Variants in PURA observed in about 807,000 individuals in gnomAD.
The protein encoded by PURA is transcriptional activator protein Pur-alpha.
A neutral mutation model predicts 23.1 loss-of-function variants in PURA; 2 were observed. The observed-to-expected ratio is 0.09, with a 90% CI of 0.04 to 0.27. The LOEUF (loss-of-function observed/expected upper bound fraction) is 0.27. Ranked by LOEUF, PURA falls within the 10% of genes least tolerant of loss-of-function variation. PURA has a pLI of 1.00. For missense variants in PURA, 187 were observed against 449.7 expected, an observed-to-expected ratio of 0.42 and a Z score of 5.28; for synonymous variants, 254 against 205.9, an observed-to-expected ratio of 1.23 and a Z score of -2.00.
rs1763136853 is a variant in PURA, at chr5:140,120,281, G to T, written c.*5131G>T. 1 of 166,764 alleles carries T rather than the reference G, an allele frequency of 6.0e-6. No homozygotes were observed. Among genetic ancestry groups the T allele is most frequent in the Non-Finnish European group, 1.5e-5 (1 of 67,944 alleles). The allele number at this position is 166,764 out of a possible 1,614,324, so 10.3% of individuals were successfully genotyped here. On this transcript the variant is annotated 3_prime_UTR_variant, in exon 1 of 1. Transcript: ENST00000331327. ...TGTATATAGATACACACATCTCCTTGAGAGTGGAATAAGTAGGAGAGATAA... is the reference window on the plus strand; with the variant it reads ...TGTATATAGATACACACATCTCCTTTAGAGTGGAATAAGTAGGAGAGATAA...
At position 140,114,308 on chromosome 5, in the gene PURA, A is replaced by AGTGGCG; in HGVS notation, c.129_134dup (p.Gly48_Gly49dup). ...TGGTGGCGGCGGGGGCGGCGGCGGCAGTGGCGGCGGCGGCGGCGGGGCCCC... is the reference window on the plus strand; with the variant it reads ...TGGTGGCGGCGGGGGCGGCGGCGGCAGTGGCGGTGGCGGCGGCGGCGGCGGGGCCCC... On this transcript the variant is annotated inframe_insertion, in exon 1 of 1. Transcript: ENST00000331327. 7.8e-7 allele frequency: 1 copy of AGTGGCG among 1,288,426 alleles called. No individual in the cohort carries two copies. Among genetic ancestry groups the AGTGGCG allele is most frequent in the Non-Finnish European group, 9.7e-7 (1 of 1,026,946 alleles). 79.8% of individuals were successfully genotyped at this position (1,288,426 alleles called of 1,614,324 possible).
At position 140,117,794 on chromosome 5, in the gene PURA, G is replaced by A. The variant is rs1444442654; in HGVS notation, c.*2644G>A. 4.8e-5 allele frequency: 8 copies of A among 165,550 alleles called. No individual in the cohort carries two copies. The highest frequency in any genetic ancestry group is 8.8e-5 in the Non-Finnish European group (6 of 68,080). 10.3% of individuals were successfully genotyped at this position (165,550 alleles called of 1,614,324 possible). A position where few individuals can be genotyped will look rare whatever the true frequency, so the allele number is the denominator to read the frequency against. On this transcript the variant is annotated 3_prime_UTR_variant, in exon 1 of 1. Transcript: ENST00000331327. ...AAACAGTTTAATACAATCTAACTAC[G>A]ATTTTGAAACCAGTGTCTGATTTAT...
chr5:140,115,180 C>CACA lies in PURA; in HGVS notation c.*31_*33dup. On this transcript the variant is annotated 3_prime_UTR_variant, in exon 1 of 1. Transcript: ENST00000331327. This position sits in a 1 kb window ranked among gnomAD's most constrained non-coding sequence, Gnocchi z 4.1. ...ACTGAATGAAACCCCCACACACACA[C>CACA]ACATGCATACACACACACACACAGC... 1 of 1,198,122 alleles carries CACA rather than the reference C, an allele frequency of 8.3e-7. No individual in the cohort carries two copies. Among genetic ancestry groups the CACA allele is most frequent in the Admixed American group, 2.6e-5 (1 of 38,064 alleles). The allele number at this position is 1,198,122 out of a possible 1,614,324, so 74.2% of individuals were successfully genotyped here.
At position 140,123,528 on chromosome 5, in the gene PURA, G is replaced by A. The variant is rs1405486459; in HGVS notation, c.*8378G>A. The A allele has an allele frequency of 1.2e-5, 2 of 166,174 alleles. No homozygotes were observed. The highest frequency in any genetic ancestry group is 2.4e-5 in the African/African-American group (1 of 41,346). The allele number at this position is 166,174 out of a possible 1,614,324, so 10.3% of individuals were successfully genotyped here. A position where few individuals can be genotyped will look rare whatever the true frequency, so the allele number is the denominator to read the frequency against. ...TTGTGTTTTCAATATTCCACCCAAA[G>A]CAAAAATTATATGCAATTAAAAATA... is the stretch of plus-strand genomic sequence containing the variant. On this transcript the variant is annotated 3_prime_UTR_variant, in exon 1 of 1. Transcript: ENST00000331327.
At position 140,123,704 on chromosome 5, in the gene PURA, T is replaced by G. The variant is rs552138306; in HGVS notation, c.*8554T>G. The stretch of plus-strand genomic sequence containing the variant: ...CTGTTTAAATAGACAAAGTTAAAGC[T>G]TAGGATAGGGAATATATATGTATGT... On this transcript the variant is annotated 3_prime_UTR_variant, in exon 1 of 1. Transcript: ENST00000331327. 1 of 166,942 alleles carries G rather than the reference T, an allele frequency of 6.0e-6. No individual in the cohort carries two copies. The highest frequency in any genetic ancestry group is 1.5e-5 in the Non-Finnish European group (1 of 68,072). The allele number at this position is 166,942 out of a possible 1,614,324, so 10.3% of individuals were successfully genotyped here.
chr5:140,118,157 T>G lies in PURA; in HGVS notation c.*3007T>G, dbSNP rs904039495. 15 of 166,980 alleles carry G rather than the reference T, an allele frequency of 9.0e-5. No homozygotes were observed. The highest frequency in any genetic ancestry group is 8.5e-4 in the Admixed American group (13 of 15,284). 10.3% of individuals were successfully genotyped at this position (166,980 alleles called of 1,614,324 possible). On this transcript the variant is annotated 3_prime_UTR_variant, in exon 1 of 1. Transcript: ENST00000331327. Reference sequence around the variant, plus strand: ...GTGTTATTCATAGAAGACAGTATGATCAAATGTGCCAAAAACAAGCAAACA... The same window carrying G: ...GTGTTATTCATAGAAGACAGTATGAGCAAATGTGCCAAAAACAAGCAAACA...
rs777864550 is a variant in PURA, at chr5:140,114,568, G to T, written c.387G>T (p.Pro129=). Residue 129 remains proline (P), a synonymous_variant, in exon 1 of 1, where the codon CCG becomes CCT. Transcript: ENST00000331327. ...ACGCGCAGCTGGGCCCCAGCCAGCC[G>T]CCGGACCTGGCCCAGGCGCAGGACG... ...EHYAQLGPSQ[P]PDLAQAQDEP... 1 of 1,601,380 alleles carries T rather than the reference G, an allele frequency of 6.2e-7. No homozygotes were observed. Among genetic ancestry groups the T allele is most frequent in the Non-Finnish European group, 8.5e-7 (1 of 1,176,092 alleles).
rs1763059029 is a variant in PURA, at chr5:140,115,122, A to C, written c.941A>C (p.Gln314Pro). The C allele has an allele frequency of 6.3e-7, 1 of 1,586,296 alleles. No homozygotes were observed. Among genetic ancestry groups the C allele is most frequent in the Non-Finnish European group, 8.6e-7 (1 of 1,166,324 alleles). Reference protein sequence around the residue: ...EETAAATLLLQGEEEGEED With the variant: ...EETAAATLLLPGEEEGEED ...ACCGCCGCTGCCACCCTGCTACTGCAGGGTGAGGAAGAAGGGGAAGAAGAT... is the reference window on the plus strand; with the variant it reads ...ACCGCCGCTGCCACCCTGCTACTGCCGGGTGAGGAAGAAGGGGAAGAAGAT... Residue 314 changes from glutamine (Q) to proline (P), a missense_variant, in exon 1 of 1, where the codon CAG becomes CCG. Gln to Pro is a moderately conservative substitution (Grantham distance 76). This residue lies in a region of PURA where 65 missense variants were observed against 158.6 expected (regional missense o/e 0.41). Transcript: ENST00000331327. This position sits in a 1 kb window ranked among gnomAD's most constrained non-coding sequence, Gnocchi z 4.1.
chr5:140,117,661 C>A lies in PURA; in HGVS notation c.*2511C>A, dbSNP rs1763101687. 6.0e-6 allele frequency: 1 copy of A among 166,742 alleles called. No individual in the cohort carries two copies. 10.3% of individuals were successfully genotyped at this position (166,742 alleles called of 1,614,324 possible). On this transcript the variant is annotated 3_prime_UTR_variant, in exon 1 of 1. Coordinates refer to ENST00000331327, the MANE Select transcript of PURA (RefSeq NM_005859.5). ...TCTTTCATGAGGTTTTCTTTAGGGC[C>A]AGAGTTACCTAAAGTGAAGCCTTTC...
At position 140,114,290 on chromosome 5, in the gene PURA, G is replaced by T. The variant is rs1763037641; in HGVS notation, c.109G>T (p.Gly37Cys). The part of the protein sequence containing the change: ...GSGSGGGGGG[G>C]GGGGGSGGGG... ...AGGCTCCGGCGGGGGCGGTGGTGGC[G>T]GCGGGGGCGGCGGCGGCAGTGGCGG... is the stretch of plus-strand genomic sequence containing the variant. The change falls in exon 1 of 1, where the codon GGC becomes TGC. Residue 37 changes from glycine (G) to cysteine (C), a missense_variant. Physicochemically the swap from Gly to Cys is radical, Grantham distance 159. Around this residue, in one of 9 missense-constraint regions of PURA, gnomAD observed 27 missense variants for 55.2 expected, o/e 0.49. Transcript: ENST00000331327. 8.0e-7 allele frequency: 1 copy of T among 1,244,160 alleles called. No homozygotes were observed. Among genetic ancestry groups the T allele is most frequent in the Admixed American group, 4.3e-5 (1 of 23,032 alleles). 77.1% of individuals were successfully genotyped at this position (1,244,160 alleles called of 1,614,324 possible).
rs1221035678 is a variant in PURA, at chr5:140,118,236, A to G, written c.*3086A>G. Reference sequence around the variant, plus strand: ...TTTTTATTGATCTGCTTTGTCTTACAATTAAGGTCCAAGAGCTTGGTTAAA... The same window carrying G: ...TTTTTATTGATCTGCTTTGTCTTACGATTAAGGTCCAAGAGCTTGGTTAAA... On this transcript the variant is annotated 3_prime_UTR_variant, in exon 1 of 1. Transcript: ENST00000331327. 2 of 167,020 alleles carry G rather than the reference A, an allele frequency of 1.2e-5. No homozygotes were observed. Among genetic ancestry groups the G allele is most frequent in the Non-Finnish European group, 2.9e-5 (2 of 68,094 alleles). The allele number at this position is 167,020 out of a possible 1,614,324, so 10.3% of individuals were successfully genotyped here. A position where few individuals can be genotyped will look rare whatever the true frequency, so the allele number is the denominator to read the frequency against.
rs1291958991 is a variant in PURA at position 140,115,738 on chromosome 5, C to T, written c.*588C>T. 3 of 166,922 alleles carry T rather than the reference C, an allele frequency of 1.8e-5. No individual in the cohort carries two copies. The highest frequency in any genetic ancestry group is 2.9e-5 in the Non-Finnish European group (2 of 68,124). 10.3% of individuals were successfully genotyped at this position (166,922 alleles called of 1,614,324 possible). On this transcript the variant is annotated 3_prime_UTR_variant, in exon 1 of 1. Coordinates refer to ENST00000331327, the MANE Select transcript of PURA (RefSeq NM_005859.5). The surrounding 1 kb of genome is among the most constrained non-coding windows in gnomAD (Gnocchi z 4.1). ...ATAGTATATTTGACACCCTATATAC[C>T]TGTGATTAGAGATGTGTATATATAT...
At position 140,114,845 on chromosome 5, in the gene PURA, A is replaced by T; in HGVS notation, c.664A>T (p.Thr222Ser). The T allele has an allele frequency of 6.2e-7, 1 of 1,614,158 alleles. No homozygotes were observed. Among genetic ancestry groups the T allele is most frequent in the Non-Finnish European group, 8.5e-7 (1 of 1,179,998 alleles). The change falls in exon 1 of 1, where the codon ACC becomes TCC. Residue 222 changes from threonine to serine, a missense_variant. Coordinates refer to ENST00000331327, the MANE Select transcript of PURA (RefSeq NM_005859.5). ...GGAGCCGGCCGAGCTGCCCGAGGGC[A>T]CCTCCTTGACTGTGGACAACAAGCG... is the stretch of plus-strand genomic sequence containing the variant. ...EEEPAELPEG[T>S]SLTVDNKRFF...
Position 140,115,253 on chromosome 5 carries a change from T to G in PURA, c.*103T>G. ...TAAAGAAAGAGAGAAAATAAAAAGT[T>G]AAAAAGTTAAAAAAAAAAAAAAACC... On this transcript the variant is annotated 3_prime_UTR_variant, in exon 1 of 1. Transcript: ENST00000331327. The surrounding 1 kb of genome is among the most constrained non-coding windows in gnomAD (Gnocchi z 4.1). 1 of 755,542 alleles carries G rather than the reference T, an allele frequency of 1.3e-6. No individual in the cohort carries two copies. Among genetic ancestry groups the G allele is most frequent in the Non-Finnish European group, 1.9e-6 (1 of 526,726 alleles). 46.8% of individuals were successfully genotyped at this position (755,542 alleles called of 1,614,324 possible).
chr5:140,115,470 A>G lies in PURA; in HGVS notation c.*320A>G, dbSNP rs1434012434. The G allele has an allele frequency of 5.2e-6, 1 of 193,036 alleles. No homozygotes were observed. Among genetic ancestry groups the G allele is most frequent in the African/African-American group, 2.3e-5 (1 of 42,558 alleles). The allele number at this position is 193,036 out of a possible 1,614,324, so 12.0% of individuals were successfully genotyped here. On this transcript the variant is annotated 3_prime_UTR_variant, in exon 1 of 1. Transcript: ENST00000331327. This position sits in a 1 kb window ranked among gnomAD's most constrained non-coding sequence, Gnocchi z 4.1. ...TGTTTCCTACTTGATTAAAAAATAT[A>G]AAGAACTGAGTGTTTATTTCCCTAA...
chr5:140,123,390 G>A lies in PURA; in HGVS notation c.*8240G>A, dbSNP rs1346798430. The stretch of plus-strand genomic sequence containing the variant: ...AAAGCAGGAAAGACTAAAGTTGCCT[G>A]TAAAATTTCTAGTTTTCATTATTTG... On this transcript the variant is annotated 3_prime_UTR_variant, in exon 1 of 1. Coordinates refer to ENST00000331327, the MANE Select transcript of PURA (RefSeq NM_005859.5). 6.0e-6 allele frequency: 1 copy of A among 166,946 alleles called. No homozygotes were observed. The highest frequency in any genetic ancestry group is 1.5e-5 in the Non-Finnish European group (1 of 68,050). 10.3% of individuals were successfully genotyped at this position (166,946 alleles called of 1,614,324 possible).
rs977838782 is a variant in PURA at position 140,123,042 on chromosome 5, A to G, written c.*7892A>G. The G allele has an allele frequency of 2.4e-5, 4 of 166,926 alleles. No individual in the cohort carries two copies. Among genetic ancestry groups the G allele is most frequent in the Admixed American group, 6.6e-5 (1 of 15,256 alleles). The allele number at this position is 166,926 out of a possible 1,614,324, so 10.3% of individuals were successfully genotyped here. A position where few individuals can be genotyped will look rare whatever the true frequency, so the allele number is the denominator to read the frequency against. On this transcript the variant is annotated 3_prime_UTR_variant, in exon 1 of 1. Coordinates refer to ENST00000331327, the MANE Select transcript of PURA (RefSeq NM_005859.5). ...GAATGTCAGGTTCATTAACAATAGC[A>G]GGATTATTTTTACTATAGCTTATTT...
rs762183564 is a variant in PURA at position 140,114,778 on chromosome 5, T to C, written c.597T>C (p.Arg199=). The C allele has an allele frequency of 5.5e-5, 88 of 1,613,354 alleles. No homozygotes were observed. The highest frequency in any genetic ancestry group is 7.1e-5 in the Non-Finnish European group (84 of 1,179,640). Residue 199 remains arginine, a synonymous_variant, in exon 1 of 1, where the codon CGT becomes CGC. Transcript: ENST00000331327. ...ALPAQGLIEF[R]DALAKLIDDY... ...CCGCGCAGGGGCTCATCGAGTTCCG[T>C]GACGCTCTGGCCAAGCTCATCGACG...
rs1052300418 is a variant in PURA, at chr5:140,123,952, A to G, written c.*8802A>G. 10 of 166,970 alleles carry G rather than the reference A, an allele frequency of 6.0e-5. No individual in the cohort carries two copies. Among genetic ancestry groups the G allele is most frequent in the African/African-American group, 1.9e-4 (8 of 41,424 alleles). 10.3% of individuals were successfully genotyped at this position (166,970 alleles called of 1,614,324 possible). On this transcript the variant is annotated 3_prime_UTR_variant, in exon 1 of 1. Transcript: ENST00000331327. ...GTCTAAGTGTTACAACTGGTTTTCA[A>G]GTTGTTATATTGAATATTCCTTTTT...
Sources: allele counts gnomAD v4.1 joint callset, GRCh38; gene constraint gnomAD v4.1.1; regional missense constraint gnomAD v4.1.1; non-coding constraint Gnocchi (gnomAD v3.1); transcripts MANE v1.5; gene names NCBI Gene and HGNC (gene_info 2026-07-23, HGNC 2026-07-21).